The following IQCM variants were observed in gnomAD, a reference collection of about 807,000 sequenced individuals.
IQCM encodes IQ motif containing M, also known as IQ domain-containing protein M.
IQCM carries 45 observed loss-of-function variants against 57.6 expected under a neutral mutation model. The observed-to-expected ratio is 0.78, with a 90% CI of 0.62 to 1.00. The LOEUF (loss-of-function observed/expected upper bound fraction) is 1.00. IQCM is among the 50% of genes least tolerant of loss of function. The pLI is 0.00. For missense variants in IQCM, 468 were observed against 511.6 expected (o/e 0.91, Z 0.82); for synonymous variants, 148 against 158.9 (o/e 0.93, Z 0.51).
intron 13 of IQCM, among the ~76,000 whole-genome samples, chr4:149,426,255 T>A (rs567705881): frequency 1.1e-4 from 16 of 151,378 alleles, no homozygotes; most frequent in East Asian, 2.0e-4. Flanking sequence ...TCAGTGGGAG[T>A]TCCTGGTTTT....
chr4:149,523,106 C>G (rs1318682131), intron 12 of IQCM, among the ~76,000 whole-genome samples: 2 of 152,066 alleles, frequency 1.3e-5, no homozygotes, highest in Non-Finnish European at 2.9e-5. Flanking sequence ...TTATAGAAAA[C>G]TGCCTTATAC....
chr4:149,653,872 T>A (rs970004325), intron 7 of IQCM, among the ~76,000 whole-genome samples: 8 of 152,140 alleles, frequency 5.3e-5, no homozygotes, highest in African/African-American at 1.7e-4. Context: ...AGTTTCTTCC[T>A]TTCTACTCAA....
chr4:149,489,790 CACACACAT>C (rs1741899952), intron 12 of IQCM, among the ~76,000 whole-genome samples: 2 of 151,358 alleles, frequency 1.3e-5, no homozygotes, highest in Admixed American at 1.3e-4. Context: ...TATATATACA[CACACACAT>C]ATATATGCAT....
In IQCM at chr4:149,599,027, C is replaced by T. The variant is rs191453118; in HGVS notation, c.682-11030G>A. On this transcript the variant is annotated intron_variant, in intron 8 of 13. Transcript: ENST00000636793. Reference sequence around the variant, plus strand: ...GCATATATATATATAATATGACATCCCAGATGCAACAGAATGCAGGTTCAT... The same window carrying T: ...GCATATATATATATAATATGACATCTCAGATGCAACAGAATGCAGGTTCAT... Among the ~76,000 whole-genome samples, 26 of 152,098 alleles carry T rather than the reference C, an allele frequency of 1.7e-4. 2 individuals carry two copies. Among genetic ancestry groups the T allele is most frequent in the Admixed American group, 1.6e-3 (24 of 15,262 alleles).
At chr4:149,381,823 G>A (rs947655118) in intron 13 of IQCM, among the ~76,000 whole-genome samples, 1 of 152,072 alleles carries the variant, frequency 6.6e-6, no homozygotes, top group Admixed American at 6.6e-5. Context: ...TGCCCAGGCT[G>A]GAGGGCAATA....
intron 13 of IQCM, among the ~76,000 whole-genome samples, chr4:149,427,994 A>G (rs1159626998): frequency 1.3e-5 from 2 of 151,918 alleles, no homozygotes; most frequent in South Asian, 4.1e-4. Flanking sequence ...TGACCTAAAC[A>G]TAGTGCATTT....
At chr4:149,443,963 T>C (rs1560845576) in intron 12 of IQCM, among the ~76,000 whole-genome samples, 1 of 151,904 alleles carries the variant, frequency 6.6e-6, no homozygotes. Flanking sequence ...GTAGGGGAGA[T>C]TGATAATTCA....
At position 149,615,882 on chromosome 4, in the gene IQCM, T is replaced by G. The variant is rs568317213; in HGVS notation, c.681+5247A>C. On this transcript the variant is annotated intron_variant, in intron 8 of 13. Coordinates refer to ENST00000636793, the MANE Select transcript of IQCM (RefSeq NM_001363507.2). Reference sequence around the variant, plus strand: ...GAGTTTTCCCAGTCACCTTTTGTCTTCTGAATTGATAAAACAATTTCACAT... The same window carrying G: ...GAGTTTTCCCAGTCACCTTTTGTCTGCTGAATTGATAAAACAATTTCACAT... 5.4e-4 allele frequency among the ~76,000 whole-genome samples: 82 copies of G among 152,290 alleles called. 1 individual carries two copies. In the South Asian group the frequency reaches 0.015, roughly 28 times the overall value.
chr4:149,694,174 T>A (rs576842561), intron 5 of IQCM, among the ~76,000 whole-genome samples: 1 of 152,168 alleles, frequency 6.6e-6, no homozygotes, highest in South Asian at 2.1e-4. Flanking sequence ...TTACATAGAT[T>A]TTTCAGTATC....
At chr4:149,410,526 A>C (rs1265666379) in intron 13 of IQCM, among the ~76,000 whole-genome samples, 2 of 150,652 alleles carry the variant, frequency 1.3e-5, no homozygotes, top group Admixed American at 1.3e-4. Context: ...TTTATGTAAT[A>C]TTTTCATTTT....
At chr4:149,790,494 T>G (rs115978436) in intron 2 of IQCM, among the ~76,000 whole-genome samples, 297 of 152,314 alleles carry the variant, frequency 1.9e-3, no homozygotes, top group African/African-American at 7.0e-3. Flanking sequence ...ACCACCTGGA[T>G]GTGGATGTTT....
intron 6 of IQCM, among the ~76,000 whole-genome samples, chr4:149,683,568 C>A (rs1040430735): frequency 6.6e-6 from 1 of 151,158 alleles, no homozygotes; most frequent in Non-Finnish European, 1.5e-5. Context: ...AATAGAGAGA[C>A]GTGAGTATGC....
At chr4:149,458,201 T>C (rs1737906288) in intron 12 of IQCM, among the ~76,000 whole-genome samples, 4 of 152,064 alleles carry the variant, frequency 2.6e-5, no homozygotes, top group Admixed American at 2.6e-4. Context: ...ACTGTGCTAA[T>C]CATTTAAATT....
At chr4:149,460,715 C>G (rs916423219) in intron 12 of IQCM, among the ~76,000 whole-genome samples, 2 of 152,042 alleles carry the variant, frequency 1.3e-5, no homozygotes, top group Non-Finnish European at 2.9e-5. Context: ...AATGATACAA[C>G]GTATGAATTT....
chr4:149,483,590 T>C (rs1458026480), intron 12 of IQCM, among the ~76,000 whole-genome samples: 2 of 152,032 alleles, frequency 1.3e-5, no homozygotes, highest in South Asian at 2.1e-4. Context: ...AAAATTCCTC[T>C]AGTTATTGAT....
At chr4:149,504,882 C>T (rs1743627444) in intron 12 of IQCM, among the ~76,000 whole-genome samples, 1 of 152,128 alleles carries the variant, frequency 6.6e-6, no homozygotes, top group South Asian at 2.1e-4. Context: ...CAAAGCAAGA[C>T]TCTGTCTCAA....
chr4:149,413,349 G>A (rs774189069), intron 13 of IQCM, among the ~76,000 whole-genome samples: 1 of 152,262 alleles, frequency 6.6e-6, no homozygotes, highest in Admixed American at 6.5e-5. Flanking sequence ...GAAAGAAATC[G>A]GGTGGAGCCC....
intron 9 of IQCM, among the ~76,000 whole-genome samples, chr4:149,579,806 G>A (rs1420155154): frequency 1.3e-5 from 2 of 151,900 alleles, no homozygotes; most frequent in Non-Finnish European, 2.9e-5. Flanking sequence ...TTCAGGAGAT[G>A]CAGTCTCTAG....
intron 2 of IQCM, among the ~76,000 whole-genome samples, chr4:149,752,130 A>T (rs1395241328): frequency 6.6e-6 from 1 of 152,222 alleles, no homozygotes; most frequent in Non-Finnish European, 1.5e-5. Context: ...ATTGTCCACA[A>T]TTAACACATC....
Sources: allele counts gnomAD v4.1 joint callset (sites outside exome capture counted in the v4.1 genomes callset), GRCh38; gene constraint gnomAD v4.1.1; transcripts MANE v1.5; gene names NCBI Gene and HGNC (gene_info 2026-07-23, HGNC 2026-07-21).